The following CSMD1 variants were observed in gnomAD, a reference collection of about 807,000 sequenced individuals.
The protein encoded by CSMD1 is CUB and sushi domain-containing protein 1.
CSMD1 carries 213 observed loss-of-function variants against 417.5 expected under a neutral mutation model. The observed-to-expected ratio is 0.51, with a 90% confidence interval of 0.46 to 0.57. CSMD1 has a LOEUF of 0.57. CSMD1 is among the 20% of genes least tolerant of loss of function. The pLI is 0.00. For synonymous variants in CSMD1, 2,862 were observed against 1,736.8 expected (o/e 1.65, Z -16.11); for missense variants, 6,923 against 4,529.7 (o/e 1.53, Z -15.17).
intron 3 of CSMD1, among the ~76,000 whole-genome samples, chr8:4,113,074 G>A (rs902494158): frequency 6.6e-6 from 1 of 152,170 alleles, no homozygotes; most frequent in Non-Finnish European, 1.5e-5. Flanking sequence ...ACACCCCCAT[G>A]TAAGACAGTG....
chr8:3,096,728 C>T, intron 47 of CSMD1, 121 bp downstream of exon 47: 1 of 725,900 alleles, frequency 1.4e-6, no homozygotes. Context: ...TTTTTGTTTG[C>T]TTTGGGAAAA....
At chr8:3,202,834 CT>C (rs1320876237) in intron 31 of CSMD1, among the ~76,000 whole-genome samples, 1 of 152,156 alleles carries the variant, frequency 6.6e-6, no homozygotes, top group Non-Finnish European at 1.5e-5. Flanking sequence ...TATAACTTGT[CT>C]TTTAAGATTT....
chr8:3,316,981 G>A (rs76195425), intron 23 of CSMD1, among the ~76,000 whole-genome samples: 3,027 of 152,252 alleles, frequency 0.02, 40 homozygotes, highest in East Asian at 0.036. Context: ...GTGGGGAGGG[G>A]ATGAGGCAAG....
chr8:4,447,131 G>C (rs144604801), intron 2 of CSMD1, among the ~76,000 whole-genome samples: 176 of 152,184 alleles, frequency 1.2e-3, no homozygotes, highest in African/African-American at 4.1e-3. Flanking sequence ...TTTGCAAATA[G>C]AATGTTAAAG....
At chr8:3,882,871 T>C (rs1295893050) in intron 5 of CSMD1, among the ~76,000 whole-genome samples, 1 of 152,082 alleles carries the variant, frequency 6.6e-6, no homozygotes, top group Non-Finnish European at 1.5e-5. Flanking sequence ...TACCCCTGAG[T>C]TGGGACTGAC....
intron 3 of CSMD1, among the ~76,000 whole-genome samples, chr8:4,367,370 G>A (rs1445561947): frequency 2.6e-5 from 4 of 152,002 alleles, no homozygotes; most frequent in East Asian, 1.9e-4. Context: ...CGTGATTGTA[G>A]GTGTATGGCT....
chr8:3,199,856 G>C, intron 32 of CSMD1, 47 bp from the exon 33 acceptor site: 1 of 1,145,192 alleles, frequency 8.7e-7, no homozygotes, highest in South Asian at 1.4e-5. Context: ...CAGCACCGTG[G>C]GGGACGGTAG....
intron 3 of CSMD1, among the ~76,000 whole-genome samples, chr8:4,245,646 T>A (rs952452639): frequency 2.0e-5 from 3 of 152,152 alleles, no homozygotes; most frequent in Admixed American, 2.0e-4. Flanking sequence ...AAATCTTGAA[T>A]TCAGATAACC....
intron 26 of CSMD1, among the ~76,000 whole-genome samples, chr8:3,280,617 T>A (rs1435321210): frequency 1.3e-5 from 2 of 152,192 alleles, no homozygotes; most frequent in African/African-American, 4.8e-5. Flanking sequence ...CCTATCCAAG[T>A]GTTACGTGAA....
At chr8:4,105,323 T>A (rs1039593326) in intron 3 of CSMD1, among the ~76,000 whole-genome samples, 1 of 141,860 alleles carries the variant, frequency 7.0e-6, no homozygotes, top group Non-Finnish European at 1.5e-5. Context: ...ATCTTAATCT[T>A]GTAACACTTC....
intron 3 of CSMD1, among the ~76,000 whole-genome samples, chr8:4,205,419 C>G (rs964623695): frequency 2.2e-4 from 33 of 152,144 alleles, no homozygotes; most frequent in African/African-American, 8.0e-4. Flanking sequence ...TTTTTAGTAT[C>G]ACCAAACTGA....
At chr8:4,684,548 A>G (rs751643473) in intron 1 of CSMD1, among the ~76,000 whole-genome samples, 7 of 152,188 alleles carry the variant, frequency 4.6e-5, no homozygotes, top group Non-Finnish European at 8.8e-5. Flanking sequence ...GAGATTTTCA[A>G]ATCTAGGCTT....
rs574566727 is a variant in CSMD1, at chr8:4,470,685, G to C, written c.303-50620C>G. On this transcript the variant is annotated intron_variant, in intron 2 of 69. Transcript: ENST00000635120. ...ACGGCCATTAGTGCTTTTTGAAAAA[G>C]AATGGTACGAAAGAGTAAAGACAAA... 1.2e-4 allele frequency among the ~76,000 whole-genome samples: 18 copies of C among 152,240 alleles called. No homozygotes were observed. In the South Asian group the frequency reaches 3.1e-3, roughly 26 times the overall value.
Position 2,974,498 on chromosome 8 carries a change from A to C in CSMD1, c.8693T>G (p.Val2898Gly). The change falls in exon 56 of 70, where the codon GTG (valine) becomes GGG (glycine). Residue 2898 changes from valine (V) to glycine (G), a missense_variant. Physicochemically the swap from Val to Gly is moderately radical, Grantham distance 109. Coordinates refer to ENST00000635120, the MANE Select transcript of CSMD1 (RefSeq NM_033225.6). ...GCTCCAGTGACTGTCTTCCTGGCAC[A>C]CTCTCGTGTCGTTGCCTATGAGGCT... ...SESLIGNDTRVCQEDSHWSGA... is the reference protein window; with the variant it reads ...SESLIGNDTRGCQEDSHWSGA... The C allele has an allele frequency of 1.2e-6, 2 of 1,613,102 alleles. No individual in the cohort carries two copies. Among genetic ancestry groups the C allele is most frequent in the Non-Finnish European group, 1.7e-6 (2 of 1,179,298 alleles).
intron 2 of CSMD1, among the ~76,000 whole-genome samples, chr8:4,423,915 T>G (rs760079738): frequency 2.0e-5 from 3 of 152,002 alleles, no homozygotes; most frequent in African/African-American, 7.2e-5. Flanking sequence ...AAAATAAACC[T>G]GAACAAATAT....
chr8:4,294,050 C>T (rs1314974834), intron 3 of CSMD1, among the ~76,000 whole-genome samples: 1 of 152,180 alleles, frequency 6.6e-6, no homozygotes, highest in East Asian at 1.9e-4. Context: ...GCGTGGTTCT[C>T]AAGTGACTAT....
intron 3 of CSMD1, among the ~76,000 whole-genome samples, chr8:4,145,377 TTATATAC>T (rs1458678523): frequency 1.3e-5 from 2 of 151,018 alleles, no homozygotes; most frequent in African/African-American, 2.5e-5. Context: ...GTCCCAAACA[TTATATAC>T]TATAGTCTTC....
At chr8:4,389,718 T>C (rs1312470724) in intron 3 of CSMD1, among the ~76,000 whole-genome samples, 1 of 152,174 alleles carries the variant, frequency 6.6e-6, no homozygotes, top group Non-Finnish European at 1.5e-5. Flanking sequence ...TTTTCCTGTA[T>C]ATTTTAAAAT....
At chr8:3,513,166 C>T (rs1027376846) in intron 10 of CSMD1, among the ~76,000 whole-genome samples, 1 of 151,598 alleles carries the variant, frequency 6.6e-6, no homozygotes, top group Non-Finnish European at 1.5e-5. Flanking sequence ...GCTACAATGC[C>T]TAGACTTTAC....
Sources: gnomAD v4.1 joint callset for allele counts (sites outside exome capture counted in the v4.1 genomes callset) on GRCh38, gnomAD v4.1.1 for gene constraint, MANE v1.5 for transcripts, NCBI Gene and HGNC (gene_info 2026-07-23, HGNC 2026-07-21) for gene names.